RBFOX1: variants seen among roughly 807,000 people sequenced by gnomAD.
RBFOX1 encodes RNA binding protein fox-1 homolog 1.
RBFOX1 carries 8 observed loss-of-function variants against 57.7 expected under a neutral mutation model. The ratio of observed to expected loss-of-function variants is 0.14; its 90% CI spans 0.08 to 0.25. The LOEUF is 0.25. RBFOX1 is among the 10% of genes least tolerant of loss of function. RBFOX1 has a pLI of 1.00. For missense variants in RBFOX1, 611 were observed against 548.5 expected (o/e 1.11, Z -1.14); for synonymous variants, 326 against 222.4 (o/e 1.47, Z -4.15).
intron 1 of RBFOX1, among the ~76,000 whole-genome samples, chr16:5,342,512 T>C (rs2065053865): frequency 1.3e-5 from 2 of 152,164 alleles, no homozygotes; most frequent in Non-Finnish European, 2.9e-5. Flanking sequence ...ATAATAATAT[T>C]TTCTATTTCC....
intron 1 of RBFOX1, among the ~76,000 whole-genome samples, chr16:6,301,095 G>A (rs1348929801): frequency 2.0e-5 from 3 of 151,860 alleles, no homozygotes; most frequent in Non-Finnish European, 4.4e-5. Flanking sequence ...AAATCCTTGA[G>A]GATCAGAAAC....
At chr16:7,227,701 G>C (rs1181900324) in intron 4 of RBFOX1, among the ~76,000 whole-genome samples, 2 of 152,140 alleles carry the variant, frequency 1.3e-5, no homozygotes, top group African/African-American at 4.8e-5. Context: ...TGGGTCATTT[G>C]GCCCGTCGCC....
intron 2 of RBFOX1, among the ~76,000 whole-genome samples, chr16:5,542,743 G>A (rs929019268): frequency 2.0e-5 from 3 of 152,290 alleles, no homozygotes; most frequent in Middle Eastern, 3.4e-3. Flanking sequence ...TTTCAAGTAA[G>A]AAGGCCAAAA....
At chr16:6,779,843 A>T (rs1366567250) in intron 3 of RBFOX1, among the ~76,000 whole-genome samples, 2 of 36,222 alleles carry the variant, frequency 5.5e-5, no homozygotes, top group African/African-American at 3.3e-4. Context: ...ATATATTTAT[A>T]TATATATTTA....
At chr16:6,909,252 C>T (rs567044710) in intron 3 of RBFOX1, among the ~76,000 whole-genome samples, 1 of 152,154 alleles carries the variant, frequency 6.6e-6, no homozygotes, top group Non-Finnish European at 1.5e-5. Context: ...TGGCCCTTTT[C>T]ATCTTCAAAG....
intron 2 of RBFOX1, among the ~76,000 whole-genome samples, chr16:6,460,573 G>A (rs933716774): frequency 5.9e-5 from 9 of 152,042 alleles, no homozygotes; most frequent in African/African-American, 1.9e-4. Flanking sequence ...TCAGAATGGC[G>A]ATTATTAAAA....
intron 3 of RBFOX1, among the ~76,000 whole-genome samples, chr16:6,987,329 G>A (rs2090506695): frequency 6.6e-6 from 1 of 152,116 alleles, no homozygotes; most frequent in African/African-American, 2.4e-5. Flanking sequence ...AGGAGGAAGT[G>A]AGTGGAGAAC....
chr16:6,894,503 G>C (rs1281820623), intron 3 of RBFOX1, among the ~76,000 whole-genome samples: 1 of 152,104 alleles, frequency 6.6e-6, no homozygotes, highest in Admixed American at 6.6e-5. Flanking sequence ...TCATGTTTCT[G>C]TTCACACCTG....
At chr16:5,698,056 A>C (rs557370812) in intron 3 of RBFOX1, among the ~76,000 whole-genome samples, 2 of 152,226 alleles carry the variant, frequency 1.3e-5, no homozygotes, top group East Asian at 3.9e-4. Context: ...TCTGGTTTTG[A>C]ATCGTTATTG....
chr16:7,510,340 C>G (rs143291761), intron 4 of RBFOX1: 19,960 of 985,356 alleles, frequency 0.02, 243 homozygotes, highest in Middle Eastern at 0.036. Context: ...TCCATTTAAT[C>G]TTTCACTCAA....
chr16:5,769,496 A>G (rs924082736), intron 3 of RBFOX1, among the ~76,000 whole-genome samples: 2 of 151,838 alleles, frequency 1.3e-5, no homozygotes, highest in Non-Finnish European at 2.9e-5. Flanking sequence ...ACAAAAAAAA[A>G]AAAAAAATTA....
At chr16:7,003,631 T>C (rs2093034301) in intron 3 of RBFOX1, among the ~76,000 whole-genome samples, 1 of 152,190 alleles carries the variant, frequency 6.6e-6, no homozygotes. Context: ...AAAGTTTTGT[T>C]AGCTATAAAC....
intron 1 of RBFOX1, among the ~76,000 whole-genome samples, chr16:5,304,583 T>C (rs576137055): frequency 6.6e-6 from 1 of 152,196 alleles, no homozygotes; most frequent in Non-Finnish European, 1.5e-5. Flanking sequence ...ATTGAATAAA[T>C]ATCTATTAAG....
chr16:6,927,431 A>AAAAAAAC, intron 3 of RBFOX1, among the ~76,000 whole-genome samples: 1 of 150,592 alleles, frequency 6.6e-6, no homozygotes, highest in Non-Finnish European at 1.5e-5. Context: ...AAAAAAAAAA[A>AAAAAAAC]AAAAAAAATC....
At chr16:6,520,140 T>C (rs539694776) in intron 2 of RBFOX1, among the ~76,000 whole-genome samples, 27 of 152,290 alleles carry the variant, frequency 1.8e-4, no homozygotes, top group African/African-American at 6.3e-4. Context: ...TTCATGGCCA[T>C]CCTTTGCAAC....
In RBFOX1 at chr16:5,442,957, A is replaced by G. The variant is rs538426194; in HGVS notation, c.220-24259A>G. 2.0e-5 allele frequency among the ~76,000 whole-genome samples: 3 copies of G among 152,294 alleles called. No homozygotes were observed. In the East Asian group the frequency reaches 5.8e-4, roughly 29 times the overall value. On this transcript the variant is annotated intron_variant, in intron 1 of 2. Transcript: ENST00000585867. ...TGTAAGAAGAGAAGAAGACACAGAC[A>G]CAGGGGGACAAACATGGAAAGACAA... is the stretch of plus-strand genomic sequence containing the variant.
chr16:6,237,851 T>C (rs2097517770), intron 1 of RBFOX1, among the ~76,000 whole-genome samples: 1 of 152,078 alleles, frequency 6.6e-6, no homozygotes, highest in Non-Finnish European at 1.5e-5. Flanking sequence ...CCCAGCACTT[T>C]GGGAGGCCAA....
At chr16:7,362,688 T>A (rs1300610361) in intron 4 of RBFOX1, among the ~76,000 whole-genome samples, 1 of 151,850 alleles carries the variant, frequency 6.6e-6, no homozygotes, top group Non-Finnish European at 1.5e-5. Flanking sequence ...TGTGTGTTAG[T>A]GTGTGTATAT....
intron 5 of RBFOX1, among the ~76,000 whole-genome samples, chr16:7,532,437 T>A (rs1194064169): frequency 6.6e-6 from 1 of 152,194 alleles, no homozygotes; most frequent in Non-Finnish European, 1.5e-5. Flanking sequence ...TTGGGAATTT[T>A]TCCTCTTTTG....
Sources: gnomAD v4.1 joint callset for allele counts (sites outside exome capture counted in the v4.1 genomes callset) on GRCh38, gnomAD v4.1.1 for gene constraint, MANE v1.5 for transcripts, NCBI Gene and HGNC (gene_info 2026-07-23, HGNC 2026-07-21) for gene names.